ASAH2: variants seen among roughly 807,000 people sequenced by gnomAD.
ASAH2 encodes N-acylsphingosine amidohydrolase 2, also known as neutral ceramidase.
ASAH2 carries 58 observed loss-of-function variants against 82.9 expected under a neutral mutation model. The observed-to-expected ratio is 0.70, with a 90% CI of 0.57 to 0.87. The LOEUF (loss-of-function observed/expected upper bound fraction) is 0.87. Ranked by LOEUF, ASAH2 falls within the 40% of genes least tolerant of loss-of-function variation. ASAH2 has a pLI of 0.00. For synonymous variants in ASAH2, 276 were observed against 289.7 expected (o/e 0.95, Z 0.48); for missense variants, 779 against 834.0 (o/e 0.93, Z 0.81).
At chr10:50,210,629 G>A (rs1271525496) in intron 12 of ASAH2, among the ~76,000 whole-genome samples, 194 bp downstream of exon 12, 1 of 152,134 alleles carries the variant, frequency 6.6e-6, no homozygotes, top group Non-Finnish European at 1.5e-5. Context: ...GGAAAATATG[G>A]AGACAGAAAT....
intron 9 of ASAH2, 54 bp from the exon 10 acceptor site, chr10:50,213,112 G>A (rs1346444527): frequency 1.4e-6 from 2 of 1,449,528 alleles, no homozygotes; most frequent in Non-Finnish European, 1.9e-6. Flanking sequence ...ATTATTTTAA[G>A]GAATAAAGAA....
At chr10:50,205,287 C>A in intron 13 of ASAH2, among the ~76,000 whole-genome samples, 1 of 152,104 alleles carries the variant, frequency 6.6e-6, no homozygotes. Context: ...TTAATAATTT[C>A]TCTTTTTATT....
intron 4 of ASAH2, 74 bp from the exon 5 acceptor site, chr10:50,236,138 G>T (rs1846154434): frequency 1.5e-6 from 2 of 1,293,426 alleles, no homozygotes; most frequent in Non-Finnish European, 2.3e-6. Flanking sequence ...GCTTTGATGA[G>T]TTCAATCACT....
intron 4 of ASAH2, among the ~76,000 whole-genome samples, chr10:50,239,918 C>T (rs1014418628): frequency 2.7e-5 from 4 of 148,734 alleles, no homozygotes; most frequent in Admixed American, 2.1e-4. Flanking sequence ...AAACCTCCAC[C>T]TCCCAGGTTC....
intron 7 of ASAH2, among the ~76,000 whole-genome samples, chr10:50,220,951 T>C (rs1211927861): frequency 6.6e-6 from 1 of 151,864 alleles, no homozygotes; most frequent in Non-Finnish European, 1.5e-5. Flanking sequence ...CATTAATCAC[T>C]GTAGGCATTC....
chr10:50,233,337 T>A, intron 6 of ASAH2, 76 bp from the exon 7 acceptor site: 1 of 1,122,694 alleles, frequency 8.9e-7, no homozygotes, highest in Non-Finnish European at 1.4e-6. Context: ...CAGTAGCAGC[T>A]GACACAAAAA....
At chr10:50,221,223 A>C (rs988344671) in intron 7 of ASAH2, among the ~76,000 whole-genome samples, 2 of 152,148 alleles carry the variant, frequency 1.3e-5, no homozygotes, top group Non-Finnish European at 2.9e-5. Context: ...CTTAGAACTC[A>C]AGTATCAGGA....
chr10:50,221,141 A>C lies in ASAH2; in HGVS notation c.894-2511T>G, dbSNP rs1023473835. 1.1e-3 allele frequency among the ~76,000 whole-genome samples: 171 copies of C among 152,312 alleles called. 1 individual carries two copies. The South Asian group carries it at 0.012, about 11-fold the overall frequency. ...GATATTCTAAGAGTCATCCCCTCGC[A>C]GTTATTTGCAAGGTGTTTACATTTA... is the stretch of plus-strand genomic sequence containing the variant. On this transcript the variant is annotated intron_variant, in intron 7 of 20. Coordinates refer to ENST00000682911, the MANE Select transcript of ASAH2 (RefSeq NM_019893.4).
At chr10:50,236,450 T>G (rs2133226795) in intron 4 of ASAH2, among the ~76,000 whole-genome samples, 1 of 152,142 alleles carries the variant, frequency 6.6e-6, no homozygotes, top group South Asian at 2.1e-4. Flanking sequence ...ATGATTCAAT[T>G]ACCTCCCATG....
At chr10:50,236,104 C>T in intron 4 of ASAH2, 40 bp from the exon 5 acceptor site, 1 of 1,571,158 alleles carries the variant, frequency 6.4e-7, no homozygotes, top group Non-Finnish European at 8.8e-7. Context: ...AGAGGGATAA[C>T]ATAGGAGCTC....
Position 50,241,703 on chromosome 10 carries a change from A to G in ASAH2, c.510+1499T>C, listed in dbSNP as rs374220186. On this transcript the variant is annotated intron_variant, in intron 4 of 20. Transcript: ENST00000682911. ...GCACATATACACCATGGAATACTAT[A>G]CAGCCATAAAAAAGGGTGAGTTCAT... 9.1e-4 allele frequency among the ~76,000 whole-genome samples: 138 copies of G among 152,318 alleles called. 2 individuals are homozygous for G. The highest frequency in any genetic ancestry group is 3.4e-3 in the Middle Eastern group (1 of 294).
chr10:50,205,882 A>G lies in ASAH2; in HGVS notation c.1530+100T>C, dbSNP rs1845279561. ...CTTGATATGGGAATATCTAAATAAG[A>G]CTTCCCATCTCAGTAGATATCTACC... On this transcript the variant is annotated intron_variant, in intron 13 of 20. Transcript: ENST00000682911. The G allele has an allele frequency of 1.1e-5, 11 of 987,648 alleles. No individual in the cohort carries two copies. In the South Asian group the frequency reaches 1.3e-4, roughly 12 times the overall value. The allele number at this position is 987,648 out of a possible 1,614,324, so 61.2% of individuals were successfully genotyped here. A position where few individuals can be genotyped will look rare whatever the true frequency, so the allele number is the denominator to read the frequency against.
Position 50,233,185 on chromosome 10 carries a change from T to C in ASAH2, c.892A>G (p.Ser298Gly). ...ATTTTTAAAAAGGAAATACAGTACCTGATAAGGCCCAAGTCATCTCCATTC... is the reference window on the plus strand; with the variant it reads ...ATTTTTAAAAAGGAAATACAGTACCCGATAAGGCCCAAGTCATCTCCATTC... Reference protein sequence around the residue: ...DLNGDDLGLISWFAIHPVSMN... With the variant: ...DLNGDDLGLIGWFAIHPVSMN... The change falls in exon 7 of 21, where the codon AGC becomes GGC. Residue 298 changes from serine to glycine, a missense_variant and splice_region_variant. Coordinates refer to ENST00000682911, the MANE Select transcript of ASAH2 (RefSeq NM_019893.4). 6.2e-7 allele frequency: 1 copy of C among 1,606,034 alleles called. No homozygotes were observed. The highest frequency in any genetic ancestry group is 8.5e-7 in the Non-Finnish European group (1 of 1,172,842).
At position 50,245,441 on chromosome 10, in the gene ASAH2, A is replaced by G. The variant is rs1375178605; in HGVS notation, c.141T>C (p.His47=). 1.9e-6 allele frequency: 3 copies of G among 1,613,072 alleles called. No homozygotes were observed. Among genetic ancestry groups the G allele is most frequent in the East Asian group, 4.5e-5 (2 of 44,860 alleles). Residue 47 remains histidine, a synonymous_variant, in exon 3 of 21, where the codon CAT becomes CAC. Coordinates refer to ENST00000682911, the MANE Select transcript of ASAH2 (RefSeq NM_019893.4). ...GAGGGCTTTGGGTGGTTGAAAAAAA[A>G]TGGCCTCCTAAATCTAAAACAGAAT... The part of the protein sequence containing the change: ...TIENHKDLGG[H]FFSTTQSPPA...
At chr10:50,203,240 A>T (rs1845203859) in intron 15 of ASAH2, among the ~76,000 whole-genome samples, 1 of 152,010 alleles carries the variant, frequency 6.6e-6, no homozygotes, top group Non-Finnish European at 1.5e-5. Context: ...CATTTTTGAC[A>T]TGTCATTTTA....
intron 15 of ASAH2, among the ~76,000 whole-genome samples, 161 bp downstream of exon 15, chr10:50,203,479 T>C (rs1845213627): frequency 6.6e-6 from 1 of 152,056 alleles, no homozygotes; most frequent in Non-Finnish European, 1.5e-5. Context: ...AATGCCCTTA[T>C]GTTTTTTAAG....
chr10:50,248,681 T>G (rs1846537574), intron 1 of ASAH2, 35 bp from the exon 2 acceptor site: 2 of 1,497,906 alleles, frequency 1.3e-6, no homozygotes, highest in Non-Finnish European at 1.8e-6. Flanking sequence ...AAAATGCAAA[T>G]GCTTTAAGCC....
chr10:50,214,002 G>C (rs1426739129), intron 9 of ASAH2, among the ~76,000 whole-genome samples: 1 of 152,092 alleles, frequency 6.6e-6, no homozygotes, highest in Non-Finnish European at 1.5e-5. Context: ...AAAGCTAAAT[G>C]AACATTGTGG....
Position 50,206,079 on chromosome 10 carries a change from G to T in ASAH2, c.1433C>A (p.Pro478Gln). ...CTGGTCCCGAATGGTGTCCCAAAAT[G>T]GATCCCCTTCTGTTTTCCCTATTAG... ...NFTQGKTEGD[P>Q]FWDTIRDQIL... is the part of the protein sequence containing the mutation. Residue 478 changes from proline to glutamine, a missense_variant, in exon 13 of 21, where the codon CCA (proline) becomes CAA (glutamine). Physicochemically the swap from Pro to Gln is moderately conservative, Grantham distance 76. Coordinates refer to ENST00000682911, the MANE Select transcript of ASAH2 (RefSeq NM_019893.4). 2 of 1,611,862 alleles carry T rather than the reference G, an allele frequency of 1.2e-6. No homozygotes were observed. Among genetic ancestry groups the T allele is most frequent in the Non-Finnish European group, 1.7e-6 (2 of 1,178,276 alleles).
Sources: gnomAD v4.1 joint callset for allele counts (sites outside exome capture counted in the v4.1 genomes callset) on GRCh38, gnomAD v4.1.1 for gene constraint, MANE v1.5 for transcripts, NCBI Gene and HGNC (gene_info 2026-07-23, HGNC 2026-07-21) for gene names.